The following STAT3 variants were observed in gnomAD, a reference collection of about 807,000 sequenced individuals.
STAT3 encodes the protein signal transducer and activator of transcription 3.
A neutral mutation model predicts 114.3 loss-of-function variants in STAT3; 7 were observed. The observed-to-expected ratio is 0.06, with a 90% CI of 0.03 to 0.11. The LOEUF is 0.11. Among genes scored for constraint, STAT3 ranks in the 10% least tolerant of loss-of-function variants. STAT3 has a pLI of 1.00. For synonymous variants in STAT3, 331 were observed against 354.5 expected (o/e 0.93, Z 0.74); for missense variants, 364 against 960.9 (o/e 0.38, Z 8.21).
chr17:42,320,399 T>C (rs1443370471), intron 21 of STAT3, among the ~76,000 whole-genome samples: 1 of 152,166 alleles, frequency 6.6e-6, no homozygotes, highest in African/African-American at 2.4e-5. Context: ...CAACAGCAAC[T>C]AGGGCAAGGC....
At position 42,339,426 on chromosome 17, in the gene STAT3, C is replaced by G; in HGVS notation, c.373-17G>C. ...GCCCCCTTGCTGCCAAAAAGGAGGT[C>G]AATGCACATGTGAACACAGAACTAT... On this transcript the variant is annotated splice_polypyrimidine_tract_variant and intron_variant, in intron 4 of 23. Transcript: ENST00000264657. 6.2e-7 allele frequency: 1 copy of G among 1,613,186 alleles called. No individual in the cohort carries two copies. The highest frequency in any genetic ancestry group is 8.5e-7 in the Non-Finnish European group (1 of 1,179,310).
chr17:42,337,837 T>C lies in STAT3; in HGVS notation c.571A>G (p.Asn191Asp). The C allele has an allele frequency of 6.2e-7, 1 of 1,614,236 alleles. No individual in the cohort carries two copies. Among genetic ancestry groups the C allele is most frequent in the Non-Finnish European group, 8.5e-7 (1 of 1,180,050 alleles). ...TTCTGCCTGGTCACTGACTGGTTGT[T>C]TCCATTCAGATCTTGCATGTCTGCG... ...SQGDMQDLNG[N>D]NQSVTRQKMQ... is the part of the protein sequence containing the mutation. The change falls in exon 7 of 24, where the codon AAC (asparagine) becomes GAC (aspartate). Residue 191 changes from asparagine (N) to aspartate (D), a missense_variant. Coordinates refer to ENST00000264657, the MANE Select transcript of STAT3 (RefSeq NM_139276.3). The surrounding 1 kb of genome is among the most constrained non-coding windows in gnomAD (Gnocchi z 4.0).
rs2081892698 is a variant in STAT3, at chr17:42,329,400, C to T, written c.1281+10G>A. The T allele has an allele frequency of 6.2e-7, 1 of 1,613,610 alleles. No homozygotes were observed. The highest frequency in any genetic ancestry group is 8.5e-7 in the Non-Finnish European group (1 of 1,180,010). On this transcript the variant is annotated intron_variant, in intron 14 of 23. Coordinates refer to ENST00000264657, the MANE Select transcript of STAT3 (RefSeq NM_139276.3). ...CACCCCAGTTGTCTTTCATCCCCAA[C>T]AAAACTTACATCACAATTGGCTCGG...
chr17:42,314,073 C>T lies in STAT3; in HGVS notation c.*1672G>A. On this transcript the variant is annotated 3_prime_UTR_variant, in exon 24 of 24. Transcript: ENST00000264657. The stretch of plus-strand genomic sequence containing the variant: ...GGTGTTCCCATACGCACAGGAGAGG[C>T]GAGCTAGCCAGCCAAGGCGGGCAGG... The T allele has an allele frequency of 4.3e-6, 1 of 232,166 alleles. No homozygotes were observed. Among genetic ancestry groups the T allele is most frequent in the Non-Finnish European group, 8.5e-6 (1 of 117,256 alleles). 14.4% of individuals were successfully genotyped at this position (232,166 alleles called of 1,614,324 possible).
Position 42,337,099 on chromosome 17 carries a change from C to T in STAT3, c.797+336G>A, listed in dbSNP as rs2082259573. ...GTTCAAGTGATTCTCCTGCCTCAGC[C>T]GCCCAGAGTAGCTGGGACTACAGGT... On this transcript the variant is annotated intron_variant, in intron 8 of 23. Transcript: ENST00000264657. This position sits in a 1 kb window ranked among gnomAD's most constrained non-coding sequence, Gnocchi z 4.0. 1.3e-5 allele frequency among the ~76,000 whole-genome samples: 2 copies of T among 152,044 alleles called. No homozygotes were observed. The highest frequency in any genetic ancestry group is 2.4e-5 in the African/African-American group (1 of 41,380).
rs17884929 is a variant in STAT3 at position 42,324,321 on chromosome 17, AAAAT to A, written c.1600+386_1600+389del. ...GCAACAGAGCAAGACTCGTCTCAAAAAAATAAATAAATAAATAAAATAAGACAAA... is the reference window on the plus strand; with the variant it reads ...GCAACAGAGCAAGACTCGTCTCAAAAAAATAAATAAATAAAATAAGACAAA... On this transcript the variant is annotated intron_variant, in intron 17 of 23. Transcript: ENST00000264657. The surrounding 1 kb of genome is among the most constrained non-coding windows in gnomAD (Gnocchi z 4.5). Among the ~76,000 whole-genome samples, 2 of 152,232 alleles carry A rather than the reference AAAAT, an allele frequency of 1.3e-5. No individual in the cohort carries two copies. The highest frequency in any genetic ancestry group is 2.4e-5 in the African/African-American group (1 of 41,518).
chr17:42,348,869 C>T (rs1337960045), intron 1 of STAT3, among the ~76,000 whole-genome samples: 1 of 152,016 alleles, frequency 6.6e-6, no homozygotes, highest in Non-Finnish European at 1.5e-5. Context: ...TCACAATCCC[C>T]ACCTTGGGAT....
Position 42,323,603 on chromosome 17 carries a change from C to G in STAT3, c.1623G>C (p.Gly541=). Residue 541 remains glycine (G), a synonymous_variant, in exon 18 of 24, where the codon GGG becomes GGC. Coordinates refer to ENST00000264657, the MANE Select transcript of STAT3 (RefSeq NM_139276.3). ...KLLGPGVNYS[G]CQITWAKFCK... The stretch of plus-strand genomic sequence containing the variant: ...AAAATTTAGCCCATGTGATCTGACA[C>G]CCTGAATAATTCACACCAGGTCCTG... 6.2e-7 allele frequency: 1 copy of G among 1,611,208 alleles called. No individual in the cohort carries two copies. The highest frequency in any genetic ancestry group is 8.5e-7 in the Non-Finnish European group (1 of 1,179,900).
In STAT3 at chr17:42,348,313, C is replaced by A. The variant is rs1005348743; in HGVS notation, c.128+76G>T. 9 of 1,580,368 alleles carry A rather than the reference C, an allele frequency of 5.7e-6. No individual in the cohort carries two copies. In the African/African-American group the frequency reaches 9.4e-5, roughly 17 times the overall value. On this transcript the variant is annotated intron_variant, in intron 2 of 23. Coordinates refer to ENST00000264657, the MANE Select transcript of STAT3 (RefSeq NM_139276.3). ...TACATTTTTTAATGGAACAGCAAGG[C>A]ATGACATTAAGAGTTCATGTCTCTT...
At chr17:42,341,989 G>T (rs144225641) in intron 4 of STAT3, among the ~76,000 whole-genome samples, 2 of 152,196 alleles carry the variant, frequency 1.3e-5, no homozygotes, top group Non-Finnish European at 2.9e-5. Flanking sequence ...ATGGTAAGTT[G>T]GAGCCTCTAT....
intron 1 of STAT3, chr17:42,388,010 G>A (rs2085206846): frequency 2.7e-6 from 1 of 370,534 alleles, no homozygotes; most frequent in Admixed American, 4.7e-5. Context: ...CGCCGCAACC[G>A]AGTGCGCCCT....
chr17:42,388,029 G>A, intron 1 of STAT3: 1 of 411,724 alleles, frequency 2.4e-6, no homozygotes, highest in South Asian at 1.3e-4. Flanking sequence ...CTCGCCCCAC[G>A]GTGCCCCCTC....
chr17:42,359,066 G>A (rs2145138632), intron 1 of STAT3, among the ~76,000 whole-genome samples: 1 of 149,814 alleles, frequency 6.7e-6, no homozygotes, highest in South Asian at 2.1e-4. Flanking sequence ...CTCCCGAGTA[G>A]CTGGGACTCC....
At position 42,326,219 on chromosome 17, in the gene STAT3, A is replaced by G; in HGVS notation, c.1282-20T>C. 1 of 1,611,506 alleles carries G rather than the reference A, an allele frequency of 6.2e-7. No homozygotes were observed. The highest frequency in any genetic ancestry group is 1.7e-4 in the Middle Eastern group (1 of 6,052). On this transcript the variant is annotated intron_variant, in intron 14 of 23. Coordinates refer to ENST00000264657, the MANE Select transcript of STAT3 (RefSeq NM_139276.3). ...GGAAGCCTACAGTAACGAGAAGGACACTCTTAGGCCAGGTGTGGTGGCTCA... is the reference window on the plus strand; with the variant it reads ...GGAAGCCTACAGTAACGAGAAGGACGCTCTTAGGCCAGGTGTGGTGGCTCA...
chr17:42,316,100 GAC>G (rs1400222557), intron 23 of STAT3: 7 of 1,339,830 alleles, frequency 5.2e-6, no homozygotes, highest in East Asian at 3.0e-5. Context: ...GGAGCCCCGA[GAC>G]ACACGTGGCC....
chr17:42,356,812 G>A (rs2083252425), intron 1 of STAT3, among the ~76,000 whole-genome samples: 1 of 151,632 alleles, frequency 6.6e-6, no homozygotes, highest in Admixed American at 6.6e-5. Flanking sequence ...GTTTGAGACA[G>A]AATCTCACTC....
intron 1 of STAT3, among the ~76,000 whole-genome samples, chr17:42,386,403 T>G (rs2085107569): frequency 6.6e-6 from 1 of 152,192 alleles, no homozygotes; most frequent in South Asian, 2.1e-4. Flanking sequence ...GGCCTCAATT[T>G]TCTTATCTAC....
chr17:42,353,381 G>GAGAAA (rs150757603), intron 1 of STAT3, among the ~76,000 whole-genome samples: 82 of 141,696 alleles, frequency 5.8e-4, no homozygotes, highest in South Asian at 1.1e-3. Flanking sequence ...AAAGAAAGAA[G>GAGAAA]AGAAAAGAAA....
At chr17:42,345,399 CT>C (rs1416320073) in intron 4 of STAT3, 159 bp downstream of exon 4, 3 of 684,762 alleles carry the variant, frequency 4.4e-6, no homozygotes, top group Non-Finnish European at 7.2e-6. Context: ...GGGGGTGGAA[CT>C]TTCTTTTTTT....
Sources: gnomAD v4.1 joint callset for allele counts (sites outside exome capture counted in the v4.1 genomes callset) on GRCh38, gnomAD v4.1.1 for gene constraint, Gnocchi (gnomAD v3.1) non-coding constraint, MANE v1.5 for transcripts, NCBI Gene and HGNC (gene_info 2026-07-23, HGNC 2026-07-21) for gene names.